The following ADPRHL1 variants were observed in gnomAD, a reference collection of about 807,000 sequenced individuals.
The protein encoded by ADPRHL1 is ADP-ribosylhydrolase like 1.
Under a neutral mutation model 44.1 loss-of-function variants are expected in ADPRHL1, and 43 were observed. The ratio of observed to expected loss-of-function variants is 0.98; its 90% CI spans 0.76 to 1.26. The LOEUF (loss-of-function observed/expected upper bound fraction) is 1.26, where lower values mean the gene tolerates loss of function less well. Ranked by LOEUF, ADPRHL1 falls within the 50% of genes most tolerant of loss-of-function variation. ADPRHL1 has a pLI of 0.00. For missense variants in ADPRHL1, 2,022 were observed against 2,496.9 expected (o/e 0.81, Z 4.05); for synonymous variants, 878 against 1,017.4 (o/e 0.86, Z 2.61).
rs202023229 is a variant in ADPRHL1, at chr13:113,452,992, CAAAGT to C, written c.214+227_214+231del. Among the ~76,000 whole-genome samples, 1,503 of 152,326 alleles carry C rather than the reference CAAAGT, an allele frequency of 9.9e-3. 22 individuals carry two copies. The highest frequency in any genetic ancestry group is 0.035 in the African/African-American group (1,440 of 41,570). ...TTTAAAAACTGAATCTTAATAACTG[CAAAGT>C]AAAGTAATACTGTCACCCTCAGAGA... On this transcript the variant is annotated intron_variant, in intron 1 of 7. Transcript: ENST00000612156.
chr13:113,449,549 G>C (rs145490091), intron 1 of ADPRHL1, among the ~76,000 whole-genome samples: 3 of 149,678 alleles, frequency 2.0e-5, no homozygotes, highest in Admixed American at 2.0e-4. Flanking sequence ...AGGGAGCCCC[G>C]TTCAGAGAGA....
At position 113,401,852 on chromosome 13, in the gene ADPRHL1, C is replaced by T. The variant is rs949551673; in HGVS notation, c.*1526G>A. 5 of 152,244 alleles carry T rather than the reference C, an allele frequency of 3.3e-5. No homozygotes were observed. The highest frequency in any genetic ancestry group is 4.4e-5 in the Non-Finnish European group (3 of 68,050). The allele number at this position is 152,244 out of a possible 1,614,324, so 9.4% of individuals were successfully genotyped here. A position where few individuals can be genotyped will look rare whatever the true frequency, so the allele number is the denominator to read the frequency against. ...CAGAGCCAAAGCCACTGGCGTCTGC[C>T]GGGATGGACCTTCCCTGGAAGGAGA... On this transcript the variant is annotated 3_prime_UTR_variant, in exon 8 of 8. Transcript: ENST00000612156. This position sits in a 1 kb window ranked among gnomAD's most constrained non-coding sequence, Gnocchi z 5.5.
At position 113,408,814 on chromosome 13, in the gene ADPRHL1, T is replaced by G. The variant is rs371566768; in HGVS notation, c.1062-594A>C. Among the ~76,000 whole-genome samples the G allele has an allele frequency of 2.1e-4, 21 of 100,876 alleles. No individual in the cohort carries two copies. The South Asian group carries it at 5.7e-3, about 27-fold the overall frequency. The allele number at this position is 100,876 out of a possible 152,430, so 66.2% of individuals were successfully genotyped here. A position where few individuals can be genotyped will look rare whatever the true frequency, so the allele number is the denominator to read the frequency against. On this transcript the variant is annotated intron_variant, in intron 7 of 7. Transcript: ENST00000612156. ...CAAGCTCCTGGGCAGGAACCAGCAC[T>G]GCAGTGGGCAGTGCCCACCAGGAGC...
rs1309567537 is a variant in ADPRHL1 at position 113,441,932 on chromosome 13, T to C, written c.379+2493A>G. Among the ~76,000 whole-genome samples the C allele has an allele frequency of 6.6e-6, 1 of 152,252 alleles. No individual in the cohort carries two copies. Among genetic ancestry groups the C allele is most frequent in the Non-Finnish European group, 1.5e-5 (1 of 68,044 alleles). ...ATCACGCTTTACTCCACCGTGCTGG[T>C]CCGTGTCTCTGTCACGTTGTGTCCC... On this transcript the variant is annotated intron_variant, in intron 2 of 7. Coordinates refer to ENST00000612156, the MANE Select transcript of ADPRHL1 (RefSeq NM_001394807.1). The surrounding 1 kb of genome is among the most constrained non-coding windows in gnomAD (Gnocchi z 6.0).
At position 113,453,400 on chromosome 13, in the gene ADPRHL1, A is replaced by AC. The variant is rs1566485701; in HGVS notation, c.37dup (p.Val13GlyfsTer45). 8.7e-6 allele frequency: 14 copies of AC among 1,613,978 alleles called. No individual in the cohort carries two copies. The highest frequency in any genetic ancestry group is 1.2e-5 in the Non-Finnish European group (14 of 1,180,030). The stretch of plus-strand genomic sequence containing the variant: ...ATTTCTGTAGCCAAGAGCATCGCCG[A>AC]CGCTCCCCAGCAACATCGCAGCCTT... On this transcript the variant is annotated frameshift_variant, in exon 1 of 8. Transcript: ENST00000612156. LOFTEE classifies it high-confidence loss of function. This position sits in a 1 kb window ranked among gnomAD's most constrained non-coding sequence, Gnocchi z 5.4.
intron 4 of ADPRHL1, among the ~76,000 whole-genome samples, chr13:113,426,263 G>C (rs1338927778): frequency 6.6e-6 from 1 of 152,174 alleles, no homozygotes; most frequent in African/African-American, 2.4e-5. Context: ...GCCCAGACCC[G>C]GGCCCACTGC....
At chr13:113,436,374 G>A (rs9796027) in intron 2 of ADPRHL1, among the ~76,000 whole-genome samples, 21,355 of 24,690 alleles carry the variant, frequency 0.86, 9,556 homozygotes, top group South Asian at 0.93. Flanking sequence ...CCAGGTGTAG[G>A]GTGAACATAG....
intron 4 of ADPRHL1, among the ~76,000 whole-genome samples, chr13:113,427,732 G>A (rs941722502): frequency 1.3e-5 from 2 of 152,210 alleles, no homozygotes; most frequent in African/African-American, 4.8e-5. Context: ...TCCTGAGGAC[G>A]GCCCGGTCAC....
In ADPRHL1 at chr13:113,407,376, G is replaced by T; in HGVS notation, c.1906C>A (p.His636Asn). Residue 636 changes from histidine to asparagine, a missense_variant, in exon 8 of 8, where the codon CAC becomes AAC. Coordinates refer to ENST00000612156, the MANE Select transcript of ADPRHL1 (RefSeq NM_001394807.1). ...TCCGAGTGGCTGATTTTGGTGCAGT[G>T]GGACAGCCAGCTCCTGGGGCCACAG... is the stretch of plus-strand genomic sequence containing the variant. ...VVCGPRSWLS[H>N]CTKISHSEAR... 1 of 1,232,080 alleles carries T rather than the reference G, an allele frequency of 8.1e-7. No homozygotes were observed. The highest frequency in any genetic ancestry group is 1.0e-6 in the Non-Finnish European group (1 of 988,072). 76.3% of individuals were successfully genotyped at this position (1,232,080 alleles called of 1,614,324 possible). A position where few individuals can be genotyped will look rare whatever the true frequency, so the allele number is the denominator to read the frequency against.
rs186914529 is a variant in ADPRHL1, at chr13:113,405,997, G to A, written c.3285C>T (p.Asn1095=). The part of the protein sequence containing the change: ...EEITSHDVRE[N]PLSSLNEPPK... ...GTGGTTCATTTAATGAGGACAGTGG[G>A]TTCTCGCGAACATCATGGCTGGTGA... is the stretch of plus-strand genomic sequence containing the variant. The change falls in exon 8 of 8, where the codon AAC becomes AAT. Residue 1095 remains asparagine, a synonymous_variant. Coordinates refer to ENST00000612156, the MANE Select transcript of ADPRHL1 (RefSeq NM_001394807.1). 4.8e-5 allele frequency: 59 copies of A among 1,232,128 alleles called. No individual in the cohort carries two copies. Among genetic ancestry groups the A allele is most frequent in the Non-Finnish European group, 2.6e-5 (26 of 988,022 alleles). 76.3% of individuals were successfully genotyped at this position (1,232,128 alleles called of 1,614,324 possible). A position where few individuals can be genotyped will look rare whatever the true frequency, so the allele number is the denominator to read the frequency against.
chr13:113,427,870 C>T (rs138855086), intron 4 of ADPRHL1, among the ~76,000 whole-genome samples: 218 of 137,172 alleles, frequency 1.6e-3, no homozygotes, highest in African/African-American at 5.1e-3. Context: ...TCCGTGCCTG[C>T]ACCCCCGTGG....
rs957553661 is a variant in ADPRHL1, at chr13:113,407,404, G to A, written c.1878C>T (p.Val626=). 8 of 1,231,812 alleles carry A rather than the reference G, an allele frequency of 6.5e-6. No homozygotes were observed. The highest frequency in any genetic ancestry group is 1.6e-5 in the African/African-American group (1 of 64,430). 76.3% of individuals were successfully genotyped at this position (1,231,812 alleles called of 1,614,324 possible). A position where few individuals can be genotyped will look rare whatever the true frequency, so the allele number is the denominator to read the frequency against. Residue 626 remains valine, a synonymous_variant, in exon 8 of 8, where the codon GTC becomes GTT. Transcript: ENST00000612156. ...ACAGCCAGCTCCTGGGGCCACAGAC[G>A]ACGGTGGCGATGCTGAGGGCCGGCA... ...EPLPALSIAT[V]VCGPRSWLSH...
chr13:113,404,845 C>A lies in ADPRHL1; in HGVS notation c.4437G>T (p.Pro1479=), dbSNP rs114199665. The change falls in exon 8 of 8, where the codon CCG becomes CCT. Residue 1479 remains proline, a synonymous_variant. Transcript: ENST00000612156. The part of the protein sequence containing the change: ...PAVPPGEPEG[P]GSPAAQGQAQ... The stretch of plus-strand genomic sequence containing the variant: ...CCTGTCCTTGGGCTGCCGGGCTTCC[C>A]GGCCCCTCGGGCTCCCCTGGAGGCA... 1.6e-6 allele frequency: 2 copies of A among 1,247,510 alleles called. No individual in the cohort carries two copies. The highest frequency in any genetic ancestry group is 3.7e-5 in the South Asian group (1 of 27,304). The allele number at this position is 1,247,510 out of a possible 1,614,324, so 77.3% of individuals were successfully genotyped here. A position where few individuals can be genotyped will look rare whatever the true frequency, so the allele number is the denominator to read the frequency against.
chr13:113,411,312 C>T (rs574491515), intron 7 of ADPRHL1, among the ~76,000 whole-genome samples: 11 of 152,200 alleles, frequency 7.2e-5, no homozygotes, highest in African/African-American at 2.6e-4. Context: ...AGCTTGGTGA[C>T]GGGACCACTC....
Position 113,433,805 on chromosome 13 carries a change from G to A in ADPRHL1, c.442C>T (p.Arg148Trp), listed in dbSNP as rs372476440. ...CTGACCTCGATGAGGGTCTCCAGCC[G>A]CTCAGGCTTCCAGTACCGCAGGCCG... Reference protein sequence around the residue: ...CIGLRYWKPERLETLIEVSVE... With the variant: ...CIGLRYWKPEWLETLIEVSVE... Residue 148 changes from arginine (R) to tryptophan (W), a missense_variant, in exon 3 of 8, where the codon CGG (arginine) becomes TGG (tryptophan). By Grantham distance (101) the Arg-to-Trp change is moderately radical. Transcript: ENST00000612156. 1.3e-5 allele frequency: 21 copies of A among 1,586,440 alleles called. No homozygotes were observed. Among genetic ancestry groups the A allele is most frequent in the Admixed American group, 3.5e-5 (2 of 56,922 alleles).
rs67936373 is a variant in ADPRHL1 at position 113,435,330 on chromosome 13, T to A, written c.380-1463A>T. On this transcript the variant is annotated intron_variant, in intron 2 of 7. Transcript: ENST00000612156. ...ACCCAGCACCCAGGCGTAGAGTGAA[T>A]ATAGGTGTAGCCCGTGACCCAGCAC... 1.8e-5 allele frequency among the ~76,000 whole-genome samples: 2 copies of A among 109,338 alleles called. 1 individual carries two copies. Among genetic ancestry groups the A allele is most frequent in the East Asian group, 6.3e-4 (2 of 3,178 alleles). 71.7% of individuals were successfully genotyped at this position (109,338 alleles called of 152,430 possible).
intron 7 of ADPRHL1, among the ~76,000 whole-genome samples, chr13:113,416,167 A>G (rs796179606): frequency 1.3e-5 from 2 of 151,606 alleles, no homozygotes; most frequent in South Asian, 2.1e-4. Context: ...GATTTTTTGT[A>G]ACTAGGTGGG....
rs768247148 is a variant in ADPRHL1 at position 113,441,985 on chromosome 13, G to A, written c.379+2440C>T. On this transcript the variant is annotated intron_variant, in intron 2 of 7. Coordinates refer to ENST00000612156, the MANE Select transcript of ADPRHL1 (RefSeq NM_001394807.1). This position sits in a 1 kb window ranked among gnomAD's most constrained non-coding sequence, Gnocchi z 6.0. Reference sequence around the variant, plus strand: ...CACGCGGCGTCCGCGTCTCTATCACGCTGTGTCCTGTGGCGCGGGTCTCTG... The same window carrying A: ...CACGCGGCGTCCGCGTCTCTATCACACTGTGTCCTGTGGCGCGGGTCTCTG... Among the ~76,000 whole-genome samples the A allele has an allele frequency of 1.3e-4, 20 of 152,262 alleles. No homozygotes were observed. Among genetic ancestry groups the A allele is most frequent in the East Asian group, 9.6e-4 (5 of 5,198 alleles).
intron 7 of ADPRHL1, among the ~76,000 whole-genome samples, chr13:113,419,562 G>A (rs1176059087): frequency 6.6e-6 from 1 of 152,146 alleles, no homozygotes; most frequent in Non-Finnish European, 1.5e-5. Context: ...TCGCTGCGCT[G>A]TAGGGAGAGA....
Sources: allele counts gnomAD v4.1 joint callset (sites outside exome capture counted in the v4.1 genomes callset), GRCh38; gene constraint gnomAD v4.1.1; non-coding constraint Gnocchi (gnomAD v3.1); transcripts MANE v1.5; gene names NCBI Gene and HGNC (gene_info 2026-07-23, HGNC 2026-07-21).